Variants in DNAH6 observed in about 807,000 individuals in gnomAD.
DNAH6 encodes axonemal beta dynein heavy chain 6.
Under a neutral mutation model 491.4 loss-of-function variants are expected in DNAH6, and 340 were observed. The ratio of observed to expected loss-of-function variants is 0.69; its 90% CI spans 0.63 to 0.76. The LOEUF (loss-of-function observed/expected upper bound fraction) is 0.76, where lower values mean the gene tolerates loss of function less well. Ranked by LOEUF, DNAH6 falls within the 30% of genes least tolerant of loss-of-function variation. The pLI, the probability that DNAH6 is intolerant of heterozygous loss-of-function variation, is 0.00. For missense variants in DNAH6, 4,443 were observed against 4,972.2 expected (o/e 0.89, Z 3.20); for synonymous variants, 1,603 against 1,686.1 (o/e 0.95, Z 1.21).
Position 84,812,321 on chromosome 2 carries a change from C to T in DNAH6, c.11740-20C>T. 6.5e-7 allele frequency: 1 copy of T among 1,548,290 alleles called. No homozygotes were observed. The highest frequency in any genetic ancestry group is 2.0e-5 in the Admixed American group (1 of 50,758). ...TAATGACATCTGCAAAGGCCACCAA[C>T]CCCTTTTTTGTTCTTTCAGACTTCT... On this transcript the variant is annotated intron_variant, in intron 72 of 76. Coordinates refer to ENST00000389394, the MANE Select transcript of DNAH6 (RefSeq NM_001370.2).
At chr2:84,490,218 C>G in the DNAH6 span, among the ~76,000 whole-genome samples, 1 of 78,692 alleles carries the variant, frequency 1.3e-5, no homozygotes, top group East Asian at 4.9e-4. Context: ...GAACTTCTTC[C>G]AGAAAGTCTT....
rs1287824448 is a variant in DNAH6, at chr2:84,813,038, T to C, written c.11926-20T>C. The C allele has an allele frequency of 6.5e-7, 1 of 1,539,558 alleles. No individual in the cohort carries two copies. The highest frequency in any genetic ancestry group is 8.8e-7 in the Non-Finnish European group (1 of 1,136,596). On this transcript the variant is annotated intron_variant, in intron 73 of 76. Coordinates refer to ENST00000389394, the MANE Select transcript of DNAH6 (RefSeq NM_001370.2). Reference sequence around the variant, plus strand: ...TCCATCCCAGAAATAACGTTTATTATGAATATGTTTCTCCTTCAGCTGTGG... The same window carrying C: ...TCCATCCCAGAAATAACGTTTATTACGAATATGTTTCTCCTTCAGCTGTGG...
At position 84,812,424 on chromosome 2, in the gene DNAH6, C is replaced by G. The variant is rs914021159; in HGVS notation, c.11823C>G (p.Leu3941=). Residue 3941 remains leucine, a synonymous_variant, in exon 73 of 77, where the codon CTC becomes CTG. Transcript: ENST00000389394. The stretch of plus-strand genomic sequence containing the variant: ...TGGAAAAAGTGTATAACAGTTTCCT[C>G]AACAACCAGGTTCCCGCTCTGTGGT... The part of the protein sequence containing the change: ...EEMEKVYNSF[L]NNQVPALWSN... The G allele has an allele frequency of 2.2e-5, 34 of 1,551,678 alleles. No homozygotes were observed. Among genetic ancestry groups the G allele is most frequent in the Non-Finnish European group, 2.8e-5 (32 of 1,146,972 alleles).
chr2:84,475,133 G>C, the DNAH6 span, among the ~76,000 whole-genome samples: 2 of 152,146 alleles, frequency 1.3e-5, no homozygotes, highest in African/African-American at 4.8e-5. Flanking sequence ...ATTTAGACTA[G>C]ACCTTCCAAG....
chr2:84,745,199 T>A lies in DNAH6; in HGVS notation c.10462T>A (p.Leu3488Met), dbSNP rs763510367. 1 of 1,542,778 alleles carries A rather than the reference T, an allele frequency of 6.5e-7. No homozygotes were observed. The highest frequency in any genetic ancestry group is 8.7e-7 in the Non-Finnish European group (1 of 1,144,042). ...AAHQDPWSAG[L>M]SSFHKLILIK... ...ACACCAAGATCCATGGAGTGCAGGA[T>A]TGAGTTCTTTCCATAAGCTAATTCT... Residue 3488 changes from leucine (L) to methionine (M), a missense_variant, in exon 63 of 77, where the codon TTG becomes ATG. By Grantham distance (15) the Leu-to-Met change is conservative. Coordinates refer to ENST00000389394, the MANE Select transcript of DNAH6 (RefSeq NM_001370.2).
the DNAH6 span, among the ~76,000 whole-genome samples, chr2:84,464,398 T>C: frequency 6.6e-6 from 1 of 152,200 alleles, no homozygotes; most frequent in South Asian, 2.1e-4. Context: ...AGTTCCAGCT[T>C]TGTGGACTTG....
chr2:84,580,806 A>C (rs1036200055), intron 14 of DNAH6, among the ~76,000 whole-genome samples: 6 of 152,146 alleles, frequency 3.9e-5, no homozygotes, highest in Admixed American at 3.9e-4. Flanking sequence ...TAGGGATCCT[A>C]CTTAAGGATT....
intron 64 of DNAH6, among the ~76,000 whole-genome samples, chr2:84,772,754 G>C (rs192763337): frequency 6.1e-4 from 93 of 151,942 alleles, no homozygotes; most frequent in African/African-American, 2.2e-3. Context: ...AAATAAATAA[G>C]GTAATAGAAG....
intron 21 of DNAH6, 63 bp from the exon 22 acceptor site, chr2:84,611,610 TA>T (rs1686343746): frequency 7.3e-7 from 1 of 1,371,146 alleles, no homozygotes; most frequent in Non-Finnish European, 1.0e-6. Flanking sequence ...TCATGATTTT[TA>T]CTGTAACCAT....
intron 26 of DNAH6, among the ~76,000 whole-genome samples, chr2:84,623,195 T>G (rs541477109): frequency 7.9e-4 from 120 of 152,280 alleles, no homozygotes; most frequent in Non-Finnish European, 1.5e-3. Context: ...ATTGATTTCT[T>G]GGATATAACA....
intron 68 of DNAH6, among the ~76,000 whole-genome samples, chr2:84,795,774 C>T (rs1678285567): frequency 6.6e-6 from 1 of 152,154 alleles, no homozygotes; most frequent in Non-Finnish European, 1.5e-5. Context: ...GATGGGATAC[C>T]AATCAGTTAT....
rs922296664 is a variant in DNAH6 at position 84,685,362 on chromosome 2, A to C, written c.6953A>C (p.Glu2318Ala). The change falls in exon 43 of 77, where the codon GAA becomes GCA. Residue 2318 changes from glutamate to alanine, a missense_variant. Glu to Ala is a moderately radical substitution (Grantham distance 107). Around this residue, in one of 3 missense-constraint regions of DNAH6, gnomAD observed 2,977 missense variants for 3,296.6 expected, o/e 0.90. Coordinates refer to ENST00000389394, the MANE Select transcript of DNAH6 (RefSeq NM_001370.2). ...LQCDPGTIRE[E>A]IQIFRLFCHE... ...TGTGATCCAGGAACAATAAGAGAAG[A>C]AATTCAGATATTTAGACTCTTTTGC... is the stretch of plus-strand genomic sequence containing the variant. 1 of 1,521,854 alleles carries C rather than the reference A, an allele frequency of 6.6e-7. No homozygotes were observed. Among genetic ancestry groups the C allele is most frequent in the South Asian group, 1.3e-5 (1 of 78,328 alleles). 94.3% of individuals were successfully genotyped at this position (1,521,854 alleles called of 1,614,324 possible).
intron 45 of DNAH6, among the ~76,000 whole-genome samples, chr2:84,689,866 G>A (rs1207418252): frequency 6.6e-6 from 1 of 152,112 alleles, no homozygotes; most frequent in Non-Finnish European, 1.5e-5. Flanking sequence ...TCCACTGTGG[G>A]TGCCCCTACC....
chr2:84,791,259 G>A (rs1231085320), intron 68 of DNAH6, among the ~76,000 whole-genome samples: 1 of 149,762 alleles, frequency 6.7e-6, no homozygotes, highest in African/African-American at 2.4e-5. Flanking sequence ...GTTCATAACA[G>A]CATTGTTCAT....
At chr2:84,803,892 A>C (rs1679172738) in intron 70 of DNAH6, among the ~76,000 whole-genome samples, 1 of 152,330 alleles carries the variant, frequency 6.6e-6, no homozygotes, top group African/African-American at 2.4e-5. Context: ...AAATTCATAC[A>C]AACATATTCT....
the DNAH6 span, among the ~76,000 whole-genome samples, chr2:84,498,359 G>A: frequency 6.6e-6 from 1 of 152,178 alleles, no homozygotes; most frequent in Non-Finnish European, 1.5e-5. Context: ...TGGCCCTGAT[G>A]TATTGCTTAT....
In DNAH6 at chr2:84,561,354, G is replaced by A. The variant is rs950416178; in HGVS notation, c.1803+3419G>A. On this transcript the variant is annotated intron_variant, in intron 11 of 76. Coordinates refer to ENST00000389394, the MANE Select transcript of DNAH6 (RefSeq NM_001370.2). ...AGCCATATGCAGAAAGCTGAAACTGGATCCCTTCCTTACACCTTATACAAA... is the reference window on the plus strand; with the variant it reads ...AGCCATATGCAGAAAGCTGAAACTGAATCCCTTCCTTACACCTTATACAAA... Among the ~76,000 whole-genome samples, 3 of 152,132 alleles carry A rather than the reference G, an allele frequency of 2.0e-5. No homozygotes were observed. In the East Asian group the frequency reaches 5.8e-4, roughly 29 times the overall value.
chr2:84,484,623 C>T, the DNAH6 span, among the ~76,000 whole-genome samples: 4 of 152,192 alleles, frequency 2.6e-5, no homozygotes, highest in Non-Finnish European at 1.5e-5. Context: ...TCACTCTGAC[C>T]ATTCTCTTGT....
In DNAH6 at chr2:84,744,465, A is replaced by G. The variant is rs189877623; in HGVS notation, c.10343-615A>G. Among the ~76,000 whole-genome samples, 467 of 152,354 alleles carry G rather than the reference A, an allele frequency of 3.1e-3. 3 individuals are homozygous for G. The highest frequency in any genetic ancestry group is 0.011 in the African/African-American group (456 of 41,586). On this transcript the variant is annotated intron_variant, in intron 62 of 76. Coordinates refer to ENST00000389394, the MANE Select transcript of DNAH6 (RefSeq NM_001370.2). ...TATAAATATTCTATAGCCAGGGAGC[A>G]GGGGATGATGTATCGTTTATTAGGG...
Sources: gnomAD v4.1 joint callset for allele counts (sites outside exome capture counted in the v4.1 genomes callset) on GRCh38, gnomAD v4.1.1 for gene constraint, gnomAD v4.1.1 regional missense constraint, MANE v1.5 for transcripts, NCBI Gene and HGNC (gene_info 2026-07-23, HGNC 2026-07-21) for gene names.